Variants in BICC1 observed in about 807,000 individuals in gnomAD.
The protein encoded by BICC1 is protein bicaudal C homolog 1.
Under a neutral mutation model 111.0 loss-of-function variants are expected in BICC1, and 43 were observed. The ratio of observed to expected loss-of-function variants is 0.39; its 90% confidence interval spans 0.30 to 0.50. The LOEUF (loss-of-function observed/expected upper bound fraction) is 0.50. Ranked by LOEUF, BICC1 falls within the 20% of genes least tolerant of loss-of-function variation. BICC1 has a pLI of 0.88. For synonymous variants in BICC1, 467 were observed against 434.4 expected, an observed-to-expected ratio of 1.07 and a Z score of -0.93; for missense variants, 1,091 against 1,203.2, an observed-to-expected ratio of 0.91 and a Z score of 1.38.
At chr10:58,576,203 A>G (rs2131995720) in intron 1 of BICC1, among the ~76,000 whole-genome samples, 1 of 152,298 alleles carries the variant, frequency 6.6e-6, no homozygotes. Context: ...CAACTCTGTT[A>G]TATAGAATCT....
intron 1 of BICC1, among the ~76,000 whole-genome samples, chr10:58,594,203 C>A (rs1844734334): frequency 1.3e-5 from 2 of 151,910 alleles, no homozygotes; most frequent in South Asian, 4.2e-4. Context: ...ATGAACAAAT[C>A]CTCCAGGAAG....
intron 2 of BICC1, among the ~76,000 whole-genome samples, chr10:58,638,127 A>G (rs1838006983): frequency 6.6e-6 from 1 of 152,096 alleles, no homozygotes; most frequent in African/African-American, 2.4e-5. Context: ...TAATACGATG[A>G]CTTTTAAGTC....
chr10:58,784,521 A>G (rs1053664518), intron 3 of BICC1, among the ~76,000 whole-genome samples: 1 of 152,298 alleles, frequency 6.6e-6, no homozygotes, highest in East Asian at 1.9e-4. Context: ...TATAATGTCC[A>G]AGCTTCTGAG....
chr10:58,688,585 G>C (rs1839817637), intron 2 of BICC1, among the ~76,000 whole-genome samples: 1 of 152,176 alleles, frequency 6.6e-6, no homozygotes, highest in South Asian at 2.1e-4. Flanking sequence ...GCACACGTAT[G>C]TTTATTGCAG....
At chr10:58,657,831 A>G (rs1220461343) in intron 2 of BICC1, among the ~76,000 whole-genome samples, 2 of 151,982 alleles carry the variant, frequency 1.3e-5, no homozygotes, top group African/African-American at 4.8e-5. Context: ...CTTGCTGCAT[A>G]TTACATATTA....
At chr10:58,722,524 A>G (rs1840971473) in intron 3 of BICC1, among the ~76,000 whole-genome samples, 1 of 152,248 alleles carries the variant, frequency 6.6e-6, no homozygotes, top group Non-Finnish European at 1.5e-5. Flanking sequence ...ATAATAAAAC[A>G]TTTGAATTCT....
At chr10:58,598,475 A>G (rs1425767735) in intron 1 of BICC1, among the ~76,000 whole-genome samples, 5 of 152,066 alleles carry the variant, frequency 3.3e-5, no homozygotes, top group Non-Finnish European at 7.4e-5. Flanking sequence ...CTGAAACTGG[A>G]CCCCTTCTTT....
chr10:58,631,394 T>C (rs953509419), intron 2 of BICC1, among the ~76,000 whole-genome samples: 2 of 152,104 alleles, frequency 1.3e-5, no homozygotes, highest in African/African-American at 4.8e-5. Context: ...TTTTTTTCTT[T>C]CTTTTTTTTT....
intron 3 of BICC1, among the ~76,000 whole-genome samples, chr10:58,753,370 G>A (rs796573231): frequency 3.0e-4 from 45 of 152,216 alleles, no homozygotes; most frequent in African/African-American, 1.0e-3. Context: ...GTCTCGCTAT[G>A]TTGTCCAGGC....
At chr10:58,827,019 T>A (rs1212228382) in intron 20 of BICC1, among the ~76,000 whole-genome samples, 6 of 152,178 alleles carry the variant, frequency 3.9e-5, no homozygotes, top group Admixed American at 1.3e-4. Context: ...GGAAGTAACT[T>A]GCCAGTAAAA....
At chr10:58,527,131 G>T (rs1248582889) in intron 1 of BICC1, among the ~76,000 whole-genome samples, 1 of 152,194 alleles carries the variant, frequency 6.6e-6, no homozygotes, top group Non-Finnish European at 1.5e-5. Flanking sequence ...TAACTGGTGT[G>T]AGATGGTATC....
chr10:58,651,513 G>A (rs989342295), intron 2 of BICC1, among the ~76,000 whole-genome samples: 1 of 152,168 alleles, frequency 6.6e-6, no homozygotes, highest in African/African-American at 2.4e-5. Flanking sequence ...AAAATTTGCA[G>A]CCCAAAATAG....
At chr10:58,577,727 C>A (rs1418625070) in intron 1 of BICC1, among the ~76,000 whole-genome samples, 1 of 152,110 alleles carries the variant, frequency 6.6e-6, no homozygotes, top group Non-Finnish European at 1.5e-5. Context: ...ATATACATAC[C>A]TGAATTTGAA....
rs189654924 is a variant in BICC1 at position 58,533,892 on chromosome 10, A to G, written c.190+20559A>G. Among the ~76,000 whole-genome samples the G allele has an allele frequency of 2.0e-5, 3 of 151,964 alleles. No homozygotes were observed. The East Asian group carries it at 5.8e-4, about 30-fold the overall frequency. ...AAAATTACTACTAGCCATACAGAACACAATTAAATGATAATAGTAAGTTCT... is the reference window on the plus strand; with the variant it reads ...AAAATTACTACTAGCCATACAGAACGCAATTAAATGATAATAGTAAGTTCT... On this transcript the variant is annotated intron_variant, in intron 1 of 20. Coordinates refer to ENST00000373886, the MANE Select transcript of BICC1 (RefSeq NM_001080512.3).
intron 13 of BICC1, among the ~76,000 whole-genome samples, chr10:58,800,549 TG>T (rs1192608462): frequency 6.6e-6 from 1 of 152,180 alleles, no homozygotes; most frequent in African/African-American, 2.4e-5. Context: ...CCCATTACAT[TG>T]TAAGTTCCTG....
intron 3 of BICC1, among the ~76,000 whole-genome samples, chr10:58,723,545 G>A (rs1032208399): frequency 5.9e-5 from 9 of 152,142 alleles, no homozygotes; most frequent in African/African-American, 2.2e-4. Flanking sequence ...TGGTGAGACG[G>A]GTATGGCAGA....
chr10:58,752,266 G>C (rs1335887892), intron 3 of BICC1, among the ~76,000 whole-genome samples: 1 of 152,116 alleles, frequency 6.6e-6, no homozygotes, highest in East Asian at 1.9e-4. Context: ...CTAGGTTTTT[G>C]TCATCAGCGC....
chr10:58,785,719 A>G (rs913198107), intron 4 of BICC1, among the ~76,000 whole-genome samples: 1 of 152,198 alleles, frequency 6.6e-6, no homozygotes, highest in African/African-American at 2.4e-5. Context: ...TACATTTTAC[A>G]CTTATTAATT....
At chr10:58,560,769 ATT>A (rs1843582246) in intron 1 of BICC1, among the ~76,000 whole-genome samples, 1 of 151,468 alleles carries the variant, frequency 6.6e-6, no homozygotes, top group Non-Finnish European at 1.5e-5. Context: ...TAGTTTAATA[ATT>A]TTTTTTGTTT....
Sources: gnomAD v4.1 joint callset for allele counts (sites outside exome capture counted in the v4.1 genomes callset) on GRCh38, gnomAD v4.1.1 for gene constraint, MANE v1.5 for transcripts, NCBI Gene and HGNC (gene_info 2026-07-23, HGNC 2026-07-21) for gene names.